CORIN: variants seen among roughly 807,000 people sequenced by gnomAD.
The protein encoded by CORIN is corin, serine peptidase.
Under a neutral mutation model 125.3 loss-of-function variants are expected in CORIN, and 117 were observed. The observed-to-expected ratio is 0.93, with a 90% confidence interval of 0.80 to 1.09. CORIN has a LOEUF of 1.09. CORIN is among the 50% of genes least tolerant of loss of function. The pLI is 0.00. For missense variants in CORIN, 1,253 were observed against 1,306.7 expected, an observed-to-expected ratio of 0.96 and a Z score of 0.63; for synonymous variants, 450 against 466.4, an observed-to-expected ratio of 0.96 and a Z score of 0.45.
rs3805391 is a variant in CORIN at position 47,653,881 on chromosome 4, A to G, written c.1736-221T>C. ...CCTCTAGATACGCGGTTTAACATCT[A>G]TGTATTCCAATGATTAATTTTCTTT... On this transcript the variant is annotated intron_variant, in intron 12 of 21. Coordinates refer to ENST00000273857, the MANE Select transcript of CORIN (RefSeq NM_006587.4). Among the ~76,000 whole-genome samples the G allele has an allele frequency of 1.3e-3, 197 of 152,312 alleles. 3 individuals are homozygous for G. In the East Asian group the frequency reaches 0.036, roughly 28 times the overall value.
At chr4:47,612,706 C>G (rs1358251104) in intron 19 of CORIN, among the ~76,000 whole-genome samples, 2 of 152,160 alleles carry the variant, frequency 1.3e-5, no homozygotes, top group African/African-American at 4.8e-5. Flanking sequence ...TACAACTAAA[C>G]TTCTCTGAAA....
At chr4:47,799,826 A>G (rs1407333442) in intron 2 of CORIN, among the ~76,000 whole-genome samples, 2 of 152,230 alleles carry the variant, frequency 1.3e-5, no homozygotes, top group Non-Finnish European at 2.9e-5. Flanking sequence ...ATTATAGATA[A>G]TAGCCAAAAG....
intron 5 of CORIN, among the ~76,000 whole-genome samples, chr4:47,742,861 T>C (rs921376209): frequency 5.3e-5 from 8 of 152,086 alleles, no homozygotes; most frequent in Non-Finnish European, 7.4e-5. Context: ...TATAAAACTA[T>C]AGTAATCCAG....
At chr4:47,830,500 G>T (rs1474901201) in intron 1 of CORIN, among the ~76,000 whole-genome samples, 1 of 152,094 alleles carries the variant, frequency 6.6e-6, no homozygotes, top group Admixed American at 6.5e-5. Flanking sequence ...AGGGTTTATT[G>T]CTTAGTTAGA....
chr4:47,793,501 G>A (rs909969028), intron 2 of CORIN, among the ~76,000 whole-genome samples: 1 of 152,118 alleles, frequency 6.6e-6, no homozygotes, highest in Non-Finnish European at 1.5e-5. Context: ...GTGACAATAT[G>A]AAGGCATAGT....
Position 47,623,947 on chromosome 4 carries a change from G to A in CORIN, c.2317C>T (p.Gln773Ter). The part of the protein sequence containing the change: ...TTLHELLVNG[Q>*]SCESRSKISL... Reference sequence around the variant, plus strand: ...ATTTTACTTCTGCTCTCACAAGACTGCCTGGATTTGGAAACATAAAATGGT... The same window carrying A: ...ATTTTACTTCTGCTCTCACAAGACTACCTGGATTTGGAAACATAAAATGGT... Residue 773 changes from glutamine (Q) to a stop codon, truncating the protein, a stop_gained and splice_region_variant, in exon 18 of 22, where the codon CAG becomes TAG. Coordinates refer to ENST00000273857, the MANE Select transcript of CORIN (RefSeq NM_006587.4). LOFTEE classifies it high-confidence loss of function. 1 of 1,612,580 alleles carries A rather than the reference G, an allele frequency of 6.2e-7. No homozygotes were observed. Among genetic ancestry groups the A allele is most frequent in the Non-Finnish European group, 8.5e-7 (1 of 1,178,688 alleles).
chr4:47,666,461 T>C (rs1277537239), intron 10 of CORIN, among the ~76,000 whole-genome samples: 9 of 152,088 alleles, frequency 5.9e-5, no homozygotes, highest in East Asian at 1.9e-4. Context: ...ACAATCTCGA[T>C]AGGAAAAAGG....
intron 5 of CORIN, chr4:47,706,765 G>A: frequency 6.3e-7 from 1 of 1,599,540 alleles, no homozygotes; most frequent in Non-Finnish European, 8.5e-7. Context: ...AATTTTTTGA[G>A]GTTATCCTCA....
intron 2 of CORIN, among the ~76,000 whole-genome samples, chr4:47,800,956 A>G (rs1380514618): frequency 2.0e-5 from 3 of 152,036 alleles, no homozygotes; most frequent in Non-Finnish European, 2.9e-5. Context: ...TTCAGAGTTC[A>G]TCGACTCCTG....
intron 19 of CORIN, among the ~76,000 whole-genome samples, chr4:47,619,021 G>C (rs1407852583): frequency 6.6e-6 from 1 of 152,112 alleles, no homozygotes; most frequent in African/African-American, 2.4e-5. Context: ...GGGTTTCCTG[G>C]AGAGGAATCA....
chr4:47,773,492 G>T (rs1730152242), intron 3 of CORIN, among the ~76,000 whole-genome samples: 2 of 152,150 alleles, frequency 1.3e-5, no homozygotes, highest in Non-Finnish European at 2.9e-5. Context: ...GGGTATTGTG[G>T]TCCTTAATGT....
intron 5 of CORIN, among the ~76,000 whole-genome samples, chr4:47,715,617 G>A (rs938116001): frequency 1.3e-5 from 2 of 152,054 alleles, no homozygotes; most frequent in African/African-American, 4.8e-5. Context: ...AAGGGGGGGA[G>A]CATGATATTG....
chr4:47,660,480 AAAAT>A (rs758568789), intron 12 of CORIN, among the ~76,000 whole-genome samples: 5 of 152,230 alleles, frequency 3.3e-5, no homozygotes, highest in Non-Finnish European at 7.3e-5. Context: ...ACTCTATACA[AAAAT>A]AACTAATAAT....
At chr4:47,823,091 G>T (rs1732591694) in intron 1 of CORIN, among the ~76,000 whole-genome samples, 1 of 152,250 alleles carries the variant, frequency 6.6e-6, no homozygotes, top group Non-Finnish European at 1.5e-5. Context: ...GGGATTACAG[G>T]CGTGAGCCAC....
intron 2 of CORIN, among the ~76,000 whole-genome samples, chr4:47,801,052 T>C (rs1052966628): frequency 3.3e-5 from 5 of 152,176 alleles, no homozygotes; most frequent in African/African-American, 1.2e-4. Context: ...TTCAGTCCTA[T>C]GCCAATGACT....
At chr4:47,827,405 G>A (rs1377066597) in intron 1 of CORIN, among the ~76,000 whole-genome samples, 1 of 152,162 alleles carries the variant, frequency 6.6e-6, no homozygotes, top group Non-Finnish European at 1.5e-5. Flanking sequence ...TTACAGCCTT[G>A]TAAGAGATGT....
intron 16 of CORIN, among the ~76,000 whole-genome samples, chr4:47,639,256 T>C (rs1723145619): frequency 6.6e-6 from 1 of 152,222 alleles, no homozygotes; most frequent in Non-Finnish European, 1.5e-5. Flanking sequence ...TAAAGTTTTA[T>C]GTTTTTCTTG....
intron 1 of CORIN, among the ~76,000 whole-genome samples, chr4:47,832,674 T>C (rs1733111792): frequency 6.6e-6 from 1 of 152,118 alleles, no homozygotes; most frequent in Non-Finnish European, 1.5e-5. Context: ...CTCGAACTCC[T>C]GACCTCAGGT....
intron 19 of CORIN, among the ~76,000 whole-genome samples, 169 bp downstream of exon 19, chr4:47,623,402 G>A (rs1403748685): frequency 1.3e-5 from 2 of 152,142 alleles, no homozygotes; most frequent in Non-Finnish European, 2.9e-5. Context: ...CCACATATTA[G>A]ATGGCAACAT....
Sources: gnomAD v4.1 joint callset for allele counts (sites outside exome capture counted in the v4.1 genomes callset) on GRCh38, gnomAD v4.1.1 for gene constraint, MANE v1.5 for transcripts, NCBI Gene and HGNC (gene_info 2026-07-23, HGNC 2026-07-21) for gene names.